MTPAP: variants seen among roughly 807,000 people sequenced by gnomAD.
MTPAP encodes the protein poly(A) RNA polymerase, mitochondrial.
Under a neutral mutation model 48.7 loss-of-function variants are expected in MTPAP, and 23 were observed. The observed-to-expected ratio is 0.47, with a 90% confidence interval of 0.34 to 0.67. MTPAP has a LOEUF of 0.67. MTPAP is among the 30% of genes least tolerant of loss of function. MTPAP has a pLI of 0.01. For synonymous variants in MTPAP, 257 were observed against 254.1 expected, an observed-to-expected ratio of 1.01 and a Z score of -0.11; for missense variants, 614 against 694.3, an observed-to-expected ratio of 0.88 and a Z score of 1.30.
rs776949018 is a variant in MTPAP, at chr10:30,315,996, A to G, written c.1353T>C (p.Phe451=). ...LKEFFEYFGN[F]AFDKNSINIR... is the part of the protein sequence containing the mutation. ...TATTTATGGAATTTTTATCGAAAGCAAAATTGCCAAAATACTCAAAAAATT... is the reference window on the plus strand; with the variant it reads ...TATTTATGGAATTTTTATCGAAAGCGAAATTGCCAAAATACTCAAAAAATT... The change falls in exon 8 of 9, where the codon TTT becomes TTC. Residue 451 remains phenylalanine, a synonymous_variant. Coordinates refer to ENST00000263063, the MANE Select transcript of MTPAP (RefSeq NM_018109.4). 1.7e-5 allele frequency: 27 copies of G among 1,607,854 alleles called. 1 individual carries two copies. The South Asian group carries it at 2.6e-4, about 16-fold the overall frequency.
chr10:30,322,738 T>C, intron 5 of MTPAP, 121 bp from the exon 6 acceptor site: 1 of 710,532 alleles, frequency 1.4e-6, no homozygotes, highest in Non-Finnish European at 2.4e-6. Context: ...ATTCAGAACA[T>C]CATTAGGTAA....
chr10:30,340,107 T>G lies in MTPAP; in HGVS notation c.555+119A>C, dbSNP rs141770391. 623 of 889,534 alleles carry G rather than the reference T, an allele frequency of 7.0e-4. 4 individuals are homozygous for G. The African/African-American group carries it at 9.1e-3, about 13-fold the overall frequency. 55.1% of individuals were successfully genotyped at this position (889,534 alleles called of 1,614,324 possible). ...TTCATCTCCGTAACTCTTTTCACCT[T>G]GTAAAACTGAAGATCTATACCCATT... On this transcript the variant is annotated intron_variant, in intron 3 of 8. Transcript: ENST00000263063.
chr10:30,327,156 A>T (rs1038887352), intron 4 of MTPAP, among the ~76,000 whole-genome samples: 1 of 152,114 alleles, frequency 6.6e-6, no homozygotes, highest in Non-Finnish European at 1.5e-5. Context: ...CAAATGAGTT[A>T]AGTGGCCATC....
At chr10:30,317,449 G>A (rs988125785) in intron 6 of MTPAP, among the ~76,000 whole-genome samples, 1 of 152,106 alleles carries the variant, frequency 6.6e-6, no homozygotes, top group Non-Finnish European at 1.5e-5. Flanking sequence ...ATAACAGCAC[G>A]TTAGACTCAG....
intron 1 of MTPAP, 52 bp downstream of exon 1, chr10:30,349,067 A>G: frequency 6.2e-7 from 1 of 1,612,838 alleles, no homozygotes; most frequent in Non-Finnish European, 8.5e-7. Flanking sequence ...CCGTGATCCC[A>G]GACTCCTCGC....
At chr10:30,343,390 A>G (rs1454178105) in intron 1 of MTPAP, among the ~76,000 whole-genome samples, 3 of 149,514 alleles carry the variant, frequency 2.0e-5, no homozygotes, top group African/African-American at 5.1e-5. Flanking sequence ...CCTGAGTGAC[A>G]GAGGGAGACT....
chr10:30,313,499 T>C lies in MTPAP; in HGVS notation c.*110A>G. On this transcript the variant is annotated 3_prime_UTR_variant, in exon 9 of 9. Transcript: ENST00000263063. The stretch of plus-strand genomic sequence containing the variant: ...GGGCCAATGAGAAGATCATGAAAAG[T>C]GACATCAGATGAAAGCTGAGATCTG... The C allele has an allele frequency of 1.4e-6, 2 of 1,437,232 alleles. No individual in the cohort carries two copies. The highest frequency in any genetic ancestry group is 1.9e-6 in the Non-Finnish European group (2 of 1,030,642). The allele number at this position is 1,437,232 out of a possible 1,614,324, so 89.0% of individuals were successfully genotyped here. A position where few individuals can be genotyped will look rare whatever the true frequency, so the allele number is the denominator to read the frequency against.
intron 4 of MTPAP, among the ~76,000 whole-genome samples, chr10:30,336,245 C>G (rs1234977174): frequency 6.6e-6 from 1 of 151,862 alleles, no homozygotes; most frequent in Non-Finnish European, 1.5e-5. Context: ...AGACAACTAC[C>G]AAGCGGCCAT....
At chr10:30,326,372 G>C in intron 5 of MTPAP, 52 bp downstream of exon 5, 1 of 1,486,606 alleles carries the variant, frequency 6.7e-7, no homozygotes, top group Non-Finnish European at 9.3e-7. Flanking sequence ...GAAACACTAA[G>C]CTAATATATC....
Position 30,340,294 on chromosome 10 carries a change from C to T in MTPAP, c.487G>A (p.Val163Ile), listed in dbSNP as rs140601721. ...CGTGGCAACTGATTACTTGACCGTACGCGTGACCGTTCAGAAGTCTGGTTT... is the reference window on the plus strand; with the variant it reads ...CGTGGCAACTGATTACTTGACCGTATGCGTGACCGTTCAGAAGTCTGGTTT... ...LKNQTSERSR[V>I]RSSNQLPRSN... is the part of the protein sequence containing the mutation. The change falls in exon 3 of 9, where the codon GTA becomes ATA. Residue 163 changes from valine (V) to isoleucine (I), a missense_variant. Coordinates refer to ENST00000263063, the MANE Select transcript of MTPAP (RefSeq NM_018109.4). 38 of 1,614,020 alleles carry T rather than the reference C, an allele frequency of 2.4e-5. No homozygotes were observed. Among genetic ancestry groups the T allele is most frequent in the South Asian group, 4.4e-5 (4 of 91,088 alleles).
At position 30,313,697 on chromosome 10, in the gene MTPAP, A is replaced by G; in HGVS notation, c.1661T>C (p.Val554Ala). The change falls in exon 9 of 9, where the codon GTC (valine) becomes GCC (alanine). Residue 554 changes from valine (V) to alanine (A), a missense_variant. By Grantham distance (64) the Val-to-Ala change is moderately conservative. Around this residue, in one of 5 missense-constraint regions of MTPAP, gnomAD observed 109 missense variants for 100.5 expected, o/e 1.08. Coordinates refer to ENST00000263063, the MANE Select transcript of MTPAP (RefSeq NM_018109.4). ...KKSNKFAIET[V>A]KNLLESLKGN... is the part of the protein sequence containing the mutation. ...TTTTAAAGATTCTAGCAAGTTTTTGACTGTTTCAATTGCAAACTTATTGCT... is the reference window on the plus strand; with the variant it reads ...TTTTAAAGATTCTAGCAAGTTTTTGGCTGTTTCAATTGCAAACTTATTGCT... 2 of 1,614,102 alleles carry G rather than the reference A, an allele frequency of 1.2e-6. No homozygotes were observed. The highest frequency in any genetic ancestry group is 1.7e-6 in the Non-Finnish European group (2 of 1,179,976).
At chr10:30,338,620 A>G (rs1182105865) in intron 3 of MTPAP, among the ~76,000 whole-genome samples, 1 of 152,166 alleles carries the variant, frequency 6.6e-6, no homozygotes, top group Non-Finnish European at 1.5e-5. Flanking sequence ...GGTTGCAGTG[A>G]GCCACGATCA....
At chr10:30,323,281 G>A (rs551442285) in intron 5 of MTPAP, among the ~76,000 whole-genome samples, 279 of 147,748 alleles carry the variant, frequency 1.9e-3, no homozygotes, top group African/African-American at 6.6e-3. Flanking sequence ...GTGAAACCCT[G>A]TCTTAAACAA....
chr10:30,330,853 G>A (rs1456721897), intron 4 of MTPAP, among the ~76,000 whole-genome samples: 1 of 152,240 alleles, frequency 6.6e-6, no homozygotes, highest in Admixed American at 6.5e-5. Context: ...AGTGATGGTA[G>A]CGCAGGTGGA....
At chr10:30,338,821 T>C (rs1454307636) in intron 3 of MTPAP, among the ~76,000 whole-genome samples, 1 of 151,998 alleles carries the variant, frequency 6.6e-6, no homozygotes, top group African/African-American at 2.4e-5. Context: ...CTGGCAAGTC[T>C]GAGTAAGAAA....
rs1032773289 is a variant in MTPAP, at chr10:30,312,928, G to A, written c.*681C>T. 6.6e-6 allele frequency: 1 copy of A among 152,218 alleles called. No homozygotes were observed. The highest frequency in any genetic ancestry group is 1.5e-5 in the Non-Finnish European group (1 of 68,056). The allele number at this position is 152,218 out of a possible 1,614,324, so 9.4% of individuals were successfully genotyped here. A position where few individuals can be genotyped will look rare whatever the true frequency, so the allele number is the denominator to read the frequency against. ...ATCATATTTGGTTTGGAATACCTAA[G>A]AATGCAGTGACTGAAATGTCTGTTC... is the stretch of plus-strand genomic sequence containing the variant. On this transcript the variant is annotated 3_prime_UTR_variant, in exon 9 of 9. Transcript: ENST00000263063.
At chr10:30,341,791 C>T in intron 1 of MTPAP, 151 bp from the exon 2 acceptor site, 2 of 817,324 alleles carry the variant, frequency 2.4e-6, no homozygotes, top group Non-Finnish European at 4.0e-6. Flanking sequence ...AACTATACTA[C>T]AGTAGTCTCC....
chr10:30,325,334 T>C (rs984348536), intron 5 of MTPAP, among the ~76,000 whole-genome samples: 6 of 152,248 alleles, frequency 3.9e-5, no homozygotes, highest in African/African-American at 1.4e-4. Context: ...TAATCAAAAC[T>C]GCTCTAGCCT....
chr10:30,314,447 A>AAT (rs1840636785), intron 8 of MTPAP, among the ~76,000 whole-genome samples: 1 of 152,138 alleles, frequency 6.6e-6, no homozygotes, highest in South Asian at 2.1e-4. Flanking sequence ...CCTTAAATTA[A>AAT]ATATATTAAT....
Sources: gnomAD v4.1 joint callset for allele counts (sites outside exome capture counted in the v4.1 genomes callset) on GRCh38, gnomAD v4.1.1 for gene constraint, gnomAD v4.1.1 regional missense constraint, MANE v1.5 for transcripts, NCBI Gene and HGNC (gene_info 2026-07-23, HGNC 2026-07-21) for gene names.